Variants in GPATCH2L observed in about 807,000 individuals in gnomAD.
GPATCH2L encodes the protein G-patch domain containing 2 like.
Under a neutral mutation model 57.4 loss-of-function variants are expected in GPATCH2L, and 31 were observed. That is an observed-to-expected ratio of 0.54 (90% CI 0.41 to 0.73). The LOEUF (loss-of-function observed/expected upper bound fraction) is 0.73. GPATCH2L is among the 30% of genes least tolerant of loss of function. The pLI, the probability that GPATCH2L is intolerant of heterozygous loss-of-function variation, is 0.00. For missense variants in GPATCH2L, 481 were observed against 599.9 expected, an observed-to-expected ratio of 0.80 and a Z score of 2.07; for synonymous variants, 199 against 210.7, an observed-to-expected ratio of 0.94 and a Z score of 0.48.
At chr14:76,225,588 GAGAA>G (rs1255270254) in intron 1 of GPATCH2L, among the ~76,000 whole-genome samples, 22 of 152,070 alleles carry the variant, frequency 1.4e-4, no homozygotes, top group African/African-American at 4.1e-4. Context: ...TACCTAGAAA[GAGAA>G]AGAAAATGAT....
intron 5 of GPATCH2L, chr14:76,174,559 G>A (rs2039235796): frequency 6.6e-6 from 1 of 152,122 alleles, no homozygotes; most frequent in African/African-American, 2.4e-5. Flanking sequence ...TTTTAAGCAT[G>A]CAAAAGAAAT....
chr14:76,193,758 C>G (rs1055035954), intron 8 of GPATCH2L, among the ~76,000 whole-genome samples: 23 of 152,130 alleles, frequency 1.5e-4, no homozygotes, highest in Non-Finnish European at 2.8e-4. Flanking sequence ...TAGCTTGAAT[C>G]AGTGGTGTTA....
chr14:76,154,340 C>G lies in GPATCH2L; in HGVS notation c.-10-14C>G. The G allele has an allele frequency of 6.5e-7, 1 of 1,528,426 alleles. No individual in the cohort carries two copies. The highest frequency in any genetic ancestry group is 8.8e-7 in the Non-Finnish European group (1 of 1,135,058). The allele number at this position is 1,528,426 out of a possible 1,614,324, so 94.7% of individuals were successfully genotyped here. ...TTTCTTTCTTTCTTTTTTTCCTAAA[C>G]TTCCTTTTGGCAGATGTGGCCTCAT... On this transcript the variant is annotated splice_polypyrimidine_tract_variant and intron_variant, in intron 1 of 9. Transcript: ENST00000261530. The surrounding 1 kb of genome is among the most constrained non-coding windows in gnomAD (Gnocchi z 4.4).
Position 76,154,279 on chromosome 14 carries a change from A to G in GPATCH2L, c.-10-75A>G. The G allele has an allele frequency of 2.4e-6, 3 of 1,270,726 alleles. No individual in the cohort carries two copies. Among genetic ancestry groups the G allele is most frequent in the Non-Finnish European group, 3.3e-6 (3 of 916,246 alleles). The allele number at this position is 1,270,726 out of a possible 1,614,324, so 78.7% of individuals were successfully genotyped here. Reference sequence around the variant, plus strand: ...CTGTTTCATCAAATTATTCCAAAACAACAGATCCTTTTTCAGGCTTTCTTT... The same window carrying G: ...CTGTTTCATCAAATTATTCCAAAACGACAGATCCTTTTTCAGGCTTTCTTT... On this transcript the variant is annotated intron_variant, in intron 1 of 9. Transcript: ENST00000261530. This position sits in a 1 kb window ranked among gnomAD's most constrained non-coding sequence, Gnocchi z 4.4.
chr14:76,169,928 A>G (rs2039010059), intron 3 of GPATCH2L, among the ~76,000 whole-genome samples: 1 of 152,156 alleles, frequency 6.6e-6, no homozygotes, highest in Non-Finnish European at 1.5e-5. Context: ...ATCATGAGGG[A>G]ACTTGTTAGA....
At chr14:76,179,799 C>G (rs2039486310) in intron 7 of GPATCH2L, 1 of 152,144 alleles carries the variant, frequency 6.6e-6, no homozygotes, top group Non-Finnish European at 1.5e-5. Context: ...TCACAGCCAC[C>G]TTTTGAAGTC....
intron 9 of GPATCH2L, among the ~76,000 whole-genome samples, chr14:76,198,173 T>A (rs892943228): frequency 3.9e-5 from 6 of 152,288 alleles, no homozygotes; most frequent in Admixed American, 2.0e-4. Flanking sequence ...TTCTCCCTCC[T>A]TTACGGCTTT....
At position 76,201,969 on chromosome 14, in the gene GPATCH2L, C is replaced by A; in HGVS notation, c.*118C>A. ...TTCCCAGTCCTTTCACCACCAGAACCAACTCCTCTTTCAAACACAGCAGTG... is the reference window on the plus strand; with the variant it reads ...TTCCCAGTCCTTTCACCACCAGAACAAACTCCTCTTTCAAACACAGCAGTG... On this transcript the variant is annotated 3_prime_UTR_variant, in exon 10 of 10. Coordinates refer to ENST00000261530, the MANE Select transcript of GPATCH2L (RefSeq NM_017926.4). 2.7e-6 allele frequency: 2 copies of A among 744,714 alleles called. No homozygotes were observed. Among genetic ancestry groups the A allele is most frequent in the African/African-American group, 1.8e-5 (1 of 55,510 alleles). The allele number at this position is 744,714 out of a possible 1,614,324, so 46.1% of individuals were successfully genotyped here. A position where few individuals can be genotyped will look rare whatever the true frequency, so the allele number is the denominator to read the frequency against.
rs1393457345 is a variant in GPATCH2L at position 76,207,127 on chromosome 14, C to A, written c.*5276C>A. The A allele has an allele frequency of 6.6e-6, 1 of 152,330 alleles. No homozygotes were observed. Among genetic ancestry groups the A allele is most frequent in the East Asian group, 1.9e-4 (1 of 5,184 alleles). The allele number at this position is 152,330 out of a possible 1,614,324, so 9.4% of individuals were successfully genotyped here. Reference sequence around the variant, plus strand: ...TGCAGGAGTTGAAGACCAGCCTATGCAACACAGTGAGACCTTGTCTCTACA... The same window carrying A: ...TGCAGGAGTTGAAGACCAGCCTATGAAACACAGTGAGACCTTGTCTCTACA... On this transcript the variant is annotated 3_prime_UTR_variant, in exon 10 of 10. Coordinates refer to ENST00000261530, the MANE Select transcript of GPATCH2L (RefSeq NM_017926.4).
chr14:76,184,573 A>C (rs2039698675), intron 8 of GPATCH2L, among the ~76,000 whole-genome samples: 1 of 152,186 alleles, frequency 6.6e-6, no homozygotes, highest in South Asian at 2.1e-4. Flanking sequence ...TAAACAAATA[A>C]ATAATTGGAC....
At chr14:76,192,117 C>T (rs974091808) in intron 8 of GPATCH2L, among the ~76,000 whole-genome samples, 206 of 139,714 alleles carry the variant, frequency 1.5e-3, no homozygotes, top group African/African-American at 5.6e-3. Context: ...ACAGGACTTA[C>T]TCTTTTTTTT....
At position 76,203,303 on chromosome 14, in the gene GPATCH2L, G is replaced by A. The variant is rs2040338919; in HGVS notation, c.*1452G>A. 6.6e-6 allele frequency: 1 copy of A among 152,250 alleles called. No individual in the cohort carries two copies. The highest frequency in any genetic ancestry group is 2.4e-5 in the African/African-American group (1 of 41,454). 9.4% of individuals were successfully genotyped at this position (152,250 alleles called of 1,614,324 possible). ...AAGCTAAGTTTACATGGCACTTTAA[G>A]ACTGAGAACATATCAATTGTTCATA... On this transcript the variant is annotated 3_prime_UTR_variant, in exon 10 of 10. Coordinates refer to ENST00000261530, the MANE Select transcript of GPATCH2L (RefSeq NM_017926.4).
chr14:76,169,573 A>T (rs1000438533), intron 3 of GPATCH2L, among the ~76,000 whole-genome samples: 5 of 152,204 alleles, frequency 3.3e-5, no homozygotes, highest in Non-Finnish European at 7.3e-5. Flanking sequence ...CAGGCATCTT[A>T]GTGAACCCTG....
chr14:76,163,748 T>G (rs2038703972), intron 2 of GPATCH2L, among the ~76,000 whole-genome samples: 1 of 152,208 alleles, frequency 6.6e-6, no homozygotes, highest in Non-Finnish European at 1.5e-5. Context: ...ATCCACATTT[T>G]ACATGTAGGG....
At chr14:76,229,330 A>G (rs574623473) in intron 1 of GPATCH2L, among the ~76,000 whole-genome samples, 4 of 152,362 alleles carry the variant, frequency 2.6e-5, no homozygotes, top group African/African-American at 9.6e-5. Context: ...TTCAGAATTG[A>G]CAGGGACTAA....
At chr14:76,222,616 A>G (rs1406434439) in intron 1 of GPATCH2L, among the ~76,000 whole-genome samples, 2 of 151,892 alleles carry the variant, frequency 1.3e-5, no homozygotes, top group African/African-American at 4.8e-5. Context: ...ACAACAACAA[A>G]CCCAAAAGAA....
chr14:76,220,471 T>G (rs1177925140), intron 1 of GPATCH2L, among the ~76,000 whole-genome samples: 1 of 152,194 alleles, frequency 6.6e-6, no homozygotes, highest in Admixed American at 6.5e-5. Context: ...TGTATTTTAA[T>G]GCAACTAATA....
At chr14:76,167,437 C>T (rs1377251991) in intron 3 of GPATCH2L, among the ~76,000 whole-genome samples, 1 of 152,194 alleles carries the variant, frequency 6.6e-6, no homozygotes, top group African/African-American at 2.4e-5. Flanking sequence ...AAAGTCTCTT[C>T]TCACTCCGAA....
At chr14:76,159,086 A>C (rs2038447806) in intron 2 of GPATCH2L, among the ~76,000 whole-genome samples, 1 of 152,214 alleles carries the variant, frequency 6.6e-6, no homozygotes. Context: ...ATGCGTAATA[A>C]CTTCTAGATC....
Sources: gnomAD v4.1 joint callset for allele counts (sites outside exome capture counted in the v4.1 genomes callset) on GRCh38, gnomAD v4.1.1 for gene constraint, Gnocchi (gnomAD v3.1) non-coding constraint, MANE v1.5 for transcripts, NCBI Gene and HGNC (gene_info 2026-07-23, HGNC 2026-07-21) for gene names.